The following PCDHGC4 variants were observed in gnomAD, a reference collection of about 807,000 sequenced individuals.
PCDHGC4 encodes the protein protocadherin gamma-C4.
In PCDHGC4, 15 loss-of-function variants were observed where a neutral mutation model predicts 59.7. The observed-to-expected ratio is 0.25, with a 90% confidence interval of 0.17 to 0.39. The LOEUF is 0.39. Ranked by LOEUF, PCDHGC4 falls within the 10% of genes least tolerant of loss-of-function variation. The pLI, the probability that PCDHGC4 is intolerant of heterozygous loss-of-function variation, is 1.00. For synonymous variants in PCDHGC4, 434 were observed against 481.4 expected (o/e 0.90, Z 1.29); for missense variants, 1,016 against 1,189.5 (o/e 0.85, Z 2.15).
intron 3 of PCDHGC4, among the ~76,000 whole-genome samples, chr5:141,510,504 G>A (rs371169260): frequency 1.3e-5 from 2 of 152,154 alleles, no homozygotes; most frequent in African/African-American, 4.8e-5. Flanking sequence ...AAGGAACTGA[G>A]AGCCCGTGTC....
At position 141,489,295 on chromosome 5, in the gene PCDHGC4, T is replaced by C. The variant is rs2099685128; in HGVS notation, c.2442+1680T>C. 1.3e-6 allele frequency: 2 copies of C among 1,581,054 alleles called. No individual in the cohort carries two copies. The highest frequency in any genetic ancestry group is 1.7e-5 in the Admixed American group (1 of 57,148). ...TGGGAAATGGCAAGTGCTGTGCATG[T>C]TGTCCTTGTGCTGCTGGGGCTGGGT... On this transcript the variant is annotated intron_variant, in intron 1 of 3. Transcript: ENST00000306593. The surrounding 1 kb of genome is among the most constrained non-coding windows in gnomAD (Gnocchi z 4.5).
Position 141,487,390 on chromosome 5 carries a change from G to A in PCDHGC4, c.2217G>A (p.Arg739=), listed in dbSNP as rs769886634. The change falls in exon 1 of 4, where the codon AGG becomes AGA. Residue 739 remains arginine, a synonymous_variant. Coordinates refer to ENST00000306593, the MANE Select transcript of PCDHGC4 (RefSeq NM_018928.3). The surrounding 1 kb of genome is among the most constrained non-coding windows in gnomAD (Gnocchi z 5.0). The stretch of plus-strand genomic sequence containing the variant: ...GTGCCTGTCTCACCAGATCTCGAAG[G>A]AGGGAGGGGCTTCCCCCTTCCAATG... ...GTCACLTRSR[R]REGLPPSNGI... 1.2e-6 allele frequency: 2 copies of A among 1,614,182 alleles called. No homozygotes were observed. The highest frequency in any genetic ancestry group is 1.3e-5 in the African/African-American group (1 of 75,070).
chr5:141,506,434 C>A lies in PCDHGC4; in HGVS notation c.2590+953C>A, dbSNP rs139627189. Among the ~76,000 whole-genome samples the A allele has an allele frequency of 8.5e-4, 112 of 131,752 alleles. 2 individuals are homozygous for A. The highest frequency in any genetic ancestry group is 3.3e-3 in the African/African-American group (107 of 32,408). 86.4% of individuals were successfully genotyped at this position (131,752 alleles called of 152,430 possible). ...TGCACTCCAGCCTGGGCAACAGTCT[C>A]GCTCTGTCTCAAAAAAAAAAAAAAA... On this transcript the variant is annotated intron_variant, in intron 3 of 3. Transcript: ENST00000306593.
In PCDHGC4 at chr5:141,487,494, C is replaced by T. The variant is rs116370895; in HGVS notation, c.2321C>T (p.Pro774Leu). 12 of 1,614,120 alleles carry T rather than the reference C, an allele frequency of 7.4e-6. No individual in the cohort carries two copies. The East Asian group carries it at 1.1e-4, about 15-fold the overall frequency. The change falls in exon 1 of 4, where the codon CCC (proline) becomes CTC (leucine). Residue 774 changes from proline (P) to leucine (L), a missense_variant. Transcript: ENST00000306593. The surrounding 1 kb of genome is among the most constrained non-coding windows in gnomAD (Gnocchi z 5.0). Reference sequence around the variant, plus strand: ...GGAGGCCACTCTCATGGCTGTACACCCTTGGCTTCTGCACCCACTCGGAGT... The same window carrying T: ...GGAGGCCACTCTCATGGCTGTACACTCTTGGCTTCTGCACCCACTCGGAGT... Reference protein sequence around the residue: ...DVGGHSHGCTPLASAPTRSDS... With the variant: ...DVGGHSHGCTLLASAPTRSDS...
rs190948188 is a variant in PCDHGC4 at position 141,505,972 on chromosome 5, C to T, written c.2590+491C>T. Among the ~76,000 whole-genome samples the T allele has an allele frequency of 5.4e-4, 82 of 152,250 alleles. 1 individual carries two copies. The highest frequency in any genetic ancestry group is 1.9e-3 in the African/African-American group (79 of 41,558). ...GAAAGTGGGTGTAGAAATCCCCAGC[C>T]GAGAGAACACCTCCTCTTTATGCGA... On this transcript the variant is annotated intron_variant, in intron 3 of 3. Transcript: ENST00000306593.
intron 2 of PCDHGC4, 114 bp from the exon 3 acceptor site, chr5:141,505,279 C>A (rs780513022): frequency 1.3e-6 from 2 of 1,541,274 alleles, no homozygotes; most frequent in Non-Finnish European, 1.7e-6. Flanking sequence ...AGAAACAGGT[C>A]TTGGGCATGG....
In PCDHGC4 at chr5:141,491,091, A is replaced by T; in HGVS notation, c.2442+3476A>T. ...TGTTGCCACAGTCCACAGCCCCAGG[A>T]CTGTTCCTCGTGTCTACACACACTG... On this transcript the variant is annotated intron_variant, in intron 1 of 3. Transcript: ENST00000306593. This position sits in a 1 kb window ranked among gnomAD's most constrained non-coding sequence, Gnocchi z 6.9. The T allele has an allele frequency of 6.2e-7, 1 of 1,614,032 alleles. No individual in the cohort carries two copies. Among genetic ancestry groups the T allele is most frequent in the Non-Finnish European group, 8.5e-7 (1 of 1,180,000 alleles).
Position 141,486,690 on chromosome 5 carries a change from C to G in PCDHGC4, c.1517C>G (p.Ser506Cys). Reference protein sequence around the residue: ...EPRNRDVSASSFISLNPQTGA... With the variant: ...EPRNRDVSASCFISLNPQTGA... ...AGGAATCGAGATGTATCAGCTTCCTCTTTCATCTCTCTGAACCCCCAGACA... is the reference window on the plus strand; with the variant it reads ...AGGAATCGAGATGTATCAGCTTCCTGTTTCATCTCTCTGAACCCCCAGACA... The change falls in exon 1 of 4, where the codon TCT becomes TGT. Residue 506 changes from serine to cysteine, a missense_variant. Coordinates refer to ENST00000306593, the MANE Select transcript of PCDHGC4 (RefSeq NM_018928.3). The surrounding 1 kb of genome is among the most constrained non-coding windows in gnomAD (Gnocchi z 5.0). 3 of 1,614,144 alleles carry G rather than the reference C, an allele frequency of 1.9e-6. No individual in the cohort carries two copies. The highest frequency in any genetic ancestry group is 2.5e-6 in the Non-Finnish European group (3 of 1,180,036).
chr5:141,499,570 A>G (rs1027373056), intron 2 of PCDHGC4, among the ~76,000 whole-genome samples: 2 of 152,200 alleles, frequency 1.3e-5, no homozygotes, highest in African/African-American at 4.8e-5. Context: ...TCCAGCTTCA[A>G]CTAATGCCTT....
rs1458508114 is a variant in PCDHGC4, at chr5:141,489,523, C to T, written c.2442+1908C>T. ...GAATCAAAAGATTGACCGAGAAAGC[C>T]TATGTGGAGCCAGCACCAGCTGCCT... On this transcript the variant is annotated intron_variant, in intron 1 of 3. Transcript: ENST00000306593. This position sits in a 1 kb window ranked among gnomAD's most constrained non-coding sequence, Gnocchi z 4.5. The T allele has an allele frequency of 3.5e-5, 56 of 1,614,006 alleles. No homozygotes were observed. The highest frequency in any genetic ancestry group is 4.5e-5 in the Non-Finnish European group (53 of 1,180,044).
At chr5:141,507,016 G>C (rs913170594) in intron 3 of PCDHGC4, 1 of 152,166 alleles carries the variant, frequency 6.6e-6, no homozygotes, top group African/African-American at 2.4e-5. Context: ...AACCGAGAAG[G>C]CACTTGCCCC....
intron 1 of PCDHGC4, among the ~76,000 whole-genome samples, chr5:141,492,394 G>C (rs2099740158): frequency 6.6e-6 from 1 of 152,220 alleles, no homozygotes; most frequent in African/African-American, 2.4e-5. Context: ...CGGTCCACTC[G>C]CAGCTCCCCT....
In PCDHGC4 at chr5:141,490,498, T is replaced by C. The variant is rs544031284; in HGVS notation, c.2442+2883T>C. On this transcript the variant is annotated intron_variant, in intron 1 of 3. Coordinates refer to ENST00000306593, the MANE Select transcript of PCDHGC4 (RefSeq NM_018928.3). This position sits in a 1 kb window ranked among gnomAD's most constrained non-coding sequence, Gnocchi z 5.4. ...TTTGGACCGGGAGGCCACATCCCAC[T>C]ATATCATCGAGCTGCTGGCCAGCGA... 1.2e-6 allele frequency: 2 copies of C among 1,614,132 alleles called. No individual in the cohort carries two copies. Among genetic ancestry groups the C allele is most frequent in the African/African-American group, 1.3e-5 (1 of 75,038 alleles).
At chr5:141,500,417 G>A in intron 2 of PCDHGC4, among the ~76,000 whole-genome samples, 1 of 151,736 alleles carries the variant, frequency 6.6e-6, no homozygotes, top group East Asian at 2.0e-4. Flanking sequence ...CACCGTGTTA[G>A]CCAGGATGGT....
At position 141,511,420 on chromosome 5, in the gene PCDHGC4, G is replaced by A; in HGVS notation, c.*247G>A. On this transcript the variant is annotated 3_prime_UTR_variant, in exon 4 of 4. Coordinates refer to ENST00000306593, the MANE Select transcript of PCDHGC4 (RefSeq NM_018928.3). ...TCCAATCAACTGCTGTACCCATGGG[G>A]GTAGTGGGGTTACTGTAGACACCAA... 2.4e-6 allele frequency: 2 copies of A among 830,862 alleles called. No individual in the cohort carries two copies. Among genetic ancestry groups the A allele is most frequent in the Non-Finnish European group, 1.8e-6 (1 of 557,336 alleles). The allele number at this position is 830,862 out of a possible 1,614,324, so 51.5% of individuals were successfully genotyped here.
intron 2 of PCDHGC4, among the ~76,000 whole-genome samples, chr5:141,502,496 C>T (rs934563545): frequency 2.0e-5 from 3 of 152,178 alleles, no homozygotes; most frequent in Admixed American, 6.5e-5. Context: ...ACTCATCTAA[C>T]GTCGGCCTGT....
At position 141,487,421 on chromosome 5, in the gene PCDHGC4, C is replaced by A. The variant is rs1365581881; in HGVS notation, c.2248C>A (p.Leu750Ile). The change falls in exon 1 of 4, where the codon CTC becomes ATC. Residue 750 changes from leucine (L) to isoleucine (I), a missense_variant. Physicochemically the swap from Leu to Ile is conservative, Grantham distance 5. Coordinates refer to ENST00000306593, the MANE Select transcript of PCDHGC4 (RefSeq NM_018928.3). This position sits in a 1 kb window ranked among gnomAD's most constrained non-coding sequence, Gnocchi z 5.0. The part of the protein sequence containing the change: ...REGLPPSNGI[L>I]RIQLGSDDPI... ...GGGGCTTCCCCCTTCCAATGGGATC[C>A]TCCGAATCCAGCTAGGGTCAGATGA... 2 of 1,614,026 alleles carry A rather than the reference C, an allele frequency of 1.2e-6. No individual in the cohort carries two copies. Among genetic ancestry groups the A allele is most frequent in the South Asian group, 1.1e-5 (1 of 91,086 alleles).
rs549557253 is a variant in PCDHGC4 at position 141,503,310 on chromosome 5, T to C, written c.2502-2083T>C. 2.6e-5 allele frequency among the ~76,000 whole-genome samples: 4 copies of C among 152,176 alleles called. No homozygotes were observed. The East Asian group carries it at 7.7e-4, about 29-fold the overall frequency. On this transcript the variant is annotated intron_variant, in intron 2 of 3. Coordinates refer to ENST00000306593, the MANE Select transcript of PCDHGC4 (RefSeq NM_018928.3). ...TACATAGAAATTGCTCAAGAAAGAA[T>C]TGTTGGAGGGGCGCGGTGGCTCACG...
rs2233603 is a variant in PCDHGC4 at position 141,490,063 on chromosome 5, G to A, written c.2442+2448G>A. 1,259 of 1,614,208 alleles carry A rather than the reference G, an allele frequency of 7.8e-4. 6 individuals carry two copies. The African/African-American group carries it at 0.013, about 16-fold the overall frequency. On this transcript the variant is annotated intron_variant, in intron 1 of 3. Transcript: ENST00000306593. The surrounding 1 kb of genome is among the most constrained non-coding windows in gnomAD (Gnocchi z 5.4). ...CACTGATCCAGACGAGGGCACCAAC[G>A]GCCAACTAGACTATTCTTTTGGAGA...
Sources: allele counts gnomAD v4.1 joint callset (sites outside exome capture counted in the v4.1 genomes callset), GRCh38; gene constraint gnomAD v4.1.1; non-coding constraint Gnocchi (gnomAD v3.1); transcripts MANE v1.5; gene names NCBI Gene and HGNC (gene_info 2026-07-23, HGNC 2026-07-21).